The following TSHZ2 variants were observed in gnomAD, a reference collection of about 807,000 sequenced individuals.
TSHZ2 encodes the protein teashirt zinc finger homeobox 2.
A neutral mutation model predicts 74.4 loss-of-function variants in TSHZ2; 21 were observed. That is an observed-to-expected ratio of 0.28 (90% CI 0.20 to 0.41). TSHZ2 has a LOEUF of 0.41. Ranked by LOEUF, TSHZ2 falls within the 10% of genes least tolerant of loss-of-function variation. The pLI is 1.00. For synonymous variants in TSHZ2, 540 were observed against 515.3 expected (o/e 1.05, Z -0.65); for missense variants, 1,244 against 1,293.5 (o/e 0.96, Z 0.59).
In TSHZ2 at chr20:53,225,541, G is replaced by C. The variant is rs548490953; in HGVS notation, c.41-27958G>C. Among the ~76,000 whole-genome samples, 3 of 152,318 alleles carry C rather than the reference G, an allele frequency of 2.0e-5. No individual in the cohort carries two copies. The South Asian group carries it at 6.2e-4, about 32-fold the overall frequency. On this transcript the variant is annotated intron_variant, in intron 1 of 2. Coordinates refer to ENST00000371497, the MANE Select transcript of TSHZ2 (RefSeq NM_173485.6). ...GAATGTTCGTATTGATGCAGGCTTC[G>C]CATTGATTTAACACTGCAGGGTCTG...
chr20:53,262,146 C>A (rs1032774660), intron 2 of TSHZ2, among the ~76,000 whole-genome samples: 1 of 152,008 alleles, frequency 6.6e-6, no homozygotes, highest in African/African-American at 2.4e-5. Context: ...AATTTGAAAC[C>A]CAACCTGCCA....
chr20:53,297,736 T>C (rs941161230), intron 2 of TSHZ2, among the ~76,000 whole-genome samples: 1 of 152,232 alleles, frequency 6.6e-6, no homozygotes, highest in Non-Finnish European at 1.5e-5. Context: ...CCCACTTTCC[T>C]TGTGTATACA....
chr20:52,972,536 CTG>C lies in TSHZ2; in HGVS notation c.-745_-744del, dbSNP rs1360266613. 12 of 150,692 alleles carry C rather than the reference CTG, an allele frequency of 8.0e-5. No individual in the cohort carries two copies. Among genetic ancestry groups the C allele is most frequent in the South Asian group, 2.1e-4 (1 of 4,756 alleles). The allele number at this position is 150,692 out of a possible 1,614,324, so 9.3% of individuals were successfully genotyped here. A position where few individuals can be genotyped will look rare whatever the true frequency, so the allele number is the denominator to read the frequency against. ...CGTGTGTGAGTGTCTGTGTGTGTGT[CTG>C]TGTGTGTGTGTGAGTGAGTGAATTC... On this transcript the variant is annotated 5_prime_UTR_variant, in exon 1 of 3. The change creates a premature stop within an existing upstream ORF in the 5' untranslated region. Transcript: ENST00000371497.
At chr20:53,067,721 C>G (rs1056417395) in intron 1 of TSHZ2, among the ~76,000 whole-genome samples, 1 of 152,206 alleles carries the variant, frequency 6.6e-6, no homozygotes, top group Non-Finnish European at 1.5e-5. Flanking sequence ...GATACGGTCA[C>G]TTTCTTGCCT....
intron 2 of TSHZ2, among the ~76,000 whole-genome samples, chr20:53,263,921 C>T (rs1170302843): frequency 6.6e-6 from 1 of 152,194 alleles, no homozygotes; most frequent in Non-Finnish European, 1.5e-5. Flanking sequence ...AGGAGCCAAT[C>T]ATTCAGGCTT....
At chr20:53,030,559 GGGC>G (rs1201513319) in intron 1 of TSHZ2, among the ~76,000 whole-genome samples, 3 of 152,140 alleles carry the variant, frequency 2.0e-5, no homozygotes, top group Non-Finnish European at 2.9e-5. Context: ...TTTATAATGA[GGGC>G]ATCAATTCTG....
intron 1 of TSHZ2, among the ~76,000 whole-genome samples, chr20:53,227,495 C>T (rs1989712397): frequency 6.6e-6 from 1 of 151,604 alleles, no homozygotes; most frequent in African/African-American, 2.4e-5. Flanking sequence ...CACACACACA[C>T]ACACAGAGTA....
At chr20:53,128,927 A>T (rs915979502) in intron 1 of TSHZ2, among the ~76,000 whole-genome samples, 1 of 152,032 alleles carries the variant, frequency 6.6e-6, no homozygotes, top group Admixed American at 6.6e-5. Flanking sequence ...GCTGGGCAGG[A>T]GCACTTCCAT....
At chr20:53,437,921 C>G (rs1172866006) in intron 2 of TSHZ2, among the ~76,000 whole-genome samples, 2 of 152,166 alleles carry the variant, frequency 1.3e-5, no homozygotes, top group Admixed American at 6.5e-5. Context: ...TTCCTGAGGG[C>G]TGGCCAGAAG....
chr20:53,078,340 T>C (rs2123221734), intron 1 of TSHZ2, among the ~76,000 whole-genome samples: 1 of 152,328 alleles, frequency 6.6e-6, no homozygotes, highest in African/African-American at 2.4e-5. Flanking sequence ...TAAATTAAAA[T>C]TTTGAGTAAT....
chr20:53,185,786 A>G, intron 1 of TSHZ2: 1 of 1,326,622 alleles, frequency 7.5e-7, no homozygotes, highest in Non-Finnish European at 1.0e-6. Flanking sequence ...TTTGAACACT[A>G]ATTAATAATC....
intron 2 of TSHZ2, among the ~76,000 whole-genome samples, chr20:53,319,986 CCTT>C (rs1485609418): frequency 6.6e-6 from 1 of 152,186 alleles, no homozygotes; most frequent in African/African-American, 2.4e-5. Context: ...ATTTGCTTTC[CCTT>C]CTTCATGAGA....
intron 1 of TSHZ2, among the ~76,000 whole-genome samples, chr20:52,981,022 A>G (rs1981546882): frequency 6.6e-6 from 1 of 152,226 alleles, no homozygotes; most frequent in African/African-American, 2.4e-5. Context: ...GCACGGTGCC[A>G]TTTGGTACAG....
chr20:52,984,881 G>C (rs1301836698), intron 1 of TSHZ2, among the ~76,000 whole-genome samples: 1 of 152,198 alleles, frequency 6.6e-6, no homozygotes, highest in Non-Finnish European at 1.5e-5. Context: ...TCTACTGAAA[G>C]CTGTCCAGGA....
intron 1 of TSHZ2, among the ~76,000 whole-genome samples, chr20:53,237,977 G>GA (rs1022720304): frequency 2.6e-5 from 4 of 152,128 alleles, no homozygotes; most frequent in African/African-American, 9.7e-5. Context: ...CTTGCTCTAT[G>GA]AAAAAATATA....
intron 2 of TSHZ2, among the ~76,000 whole-genome samples, chr20:53,342,441 C>T (rs1038488003): frequency 4.6e-5 from 7 of 152,002 alleles, no homozygotes; most frequent in African/African-American, 1.7e-4. Flanking sequence ...GTTGCTGACG[C>T]TTACGTCCGG....
At chr20:52,979,379 C>A (rs891607266) in intron 1 of TSHZ2, among the ~76,000 whole-genome samples, 10 of 152,184 alleles carry the variant, frequency 6.6e-5, no homozygotes, top group Non-Finnish European at 8.8e-5. Flanking sequence ...AGCACCTCTG[C>A]AAACACATAG....
At chr20:53,072,091 G>T (rs1056944289) in intron 1 of TSHZ2, among the ~76,000 whole-genome samples, 1 of 152,178 alleles carries the variant, frequency 6.6e-6, no homozygotes. Flanking sequence ...TCAGTCGCGC[G>T]GAGGCTGGGG....
intron 1 of TSHZ2, among the ~76,000 whole-genome samples, chr20:53,039,778 TCAAA>T (rs1983967644): frequency 2.9e-5 from 1 of 34,470 alleles, no homozygotes; most frequent in African/African-American, 1.7e-4. Context: ...AGACTCCATC[TCAAA>T]CACACACACA....
Sources: allele counts gnomAD v4.1 joint callset (sites outside exome capture counted in the v4.1 genomes callset), GRCh38; gene constraint gnomAD v4.1.1; transcripts MANE v1.5; gene names NCBI Gene and HGNC (gene_info 2026-07-23, HGNC 2026-07-21).